MAGI1: variants seen among roughly 807,000 people sequenced by gnomAD.
MAGI1 encodes membrane associated guanylate kinase, WW and PDZ domain containing 1.
In MAGI1, 58 loss-of-function variants were observed where a neutral mutation model predicts 139.9. The ratio of observed to expected loss-of-function variants is 0.41; its 90% CI spans 0.34 to 0.52. The LOEUF (loss-of-function observed/expected upper bound fraction) is 0.52. Ranked by LOEUF, MAGI1 falls within the 20% of genes least tolerant of loss-of-function variation. The probability of loss-of-function intolerance (pLI) is 0.12; values close to 1 mark genes in which losing one functional copy is unlikely to be tolerated. For missense variants in MAGI1, 1,874 were observed against 1,901.6 expected (o/e 0.99, Z 0.27); for synonymous variants, 812 against 737.9 (o/e 1.10, Z -1.63).
chr3:65,359,133 G>A (rs771802195), intron 22 of MAGI1: 3 of 1,613,978 alleles, frequency 1.9e-6, no homozygotes, highest in African/African-American at 2.7e-5. Context: ...TACATGCAGC[G>A]ATATTAGGAG....
At position 65,581,981 on chromosome 3, in the gene MAGI1, G is replaced by A. The variant is rs115444504; in HGVS notation, c.430+39991C>T. Reference sequence around the variant, plus strand: ...TTTTGAAAAAAAGTGTACACAACTGGAACCTAGTGTATGTCAGGCATTGCA... The same window carrying A: ...TTTTGAAAAAAAGTGTACACAACTGAAACCTAGTGTATGTCAGGCATTGCA... On this transcript the variant is annotated intron_variant, in intron 2 of 22. Transcript: ENST00000402939. Among the ~76,000 whole-genome samples the A allele has an allele frequency of 6.8e-3, 1,038 of 152,222 alleles. 17 individuals carry two copies. The highest frequency in any genetic ancestry group is 0.023 in the African/African-American group (972 of 41,536).
At chr3:65,806,116 T>TA (rs1425420989) in intron 1 of MAGI1, among the ~76,000 whole-genome samples, 1 of 152,144 alleles carries the variant, frequency 6.6e-6, no homozygotes, top group African/African-American at 2.4e-5. Context: ...AGAAATTTTT[T>TA]AAAAATTAAA....
Position 65,448,697 on chromosome 3 carries a change from T to TACACACAC in MAGI1, c.1043-648_1043-641dup, listed in dbSNP as rs10591133. On this transcript the variant is annotated intron_variant, in intron 6 of 22. Transcript: ENST00000402939. ...TTAACTGGTTTTGTGAGAAAACACA[T>TACACACAC]ACACACACACACACACACACACACA... 1.2e-4 allele frequency among the ~76,000 whole-genome samples: 18 copies of TACACACAC among 149,834 alleles called. No homozygotes were observed. The South Asian group carries it at 1.5e-3, about 13-fold the overall frequency.
intron 2 of MAGI1, among the ~76,000 whole-genome samples, chr3:65,506,955 C>G (rs144706730): frequency 5.3e-5 from 8 of 152,158 alleles, no homozygotes; most frequent in African/African-American, 1.7e-4. Context: ...AGTTCTGAAG[C>G]CTTCTCAAGT....
intron 1 of MAGI1, among the ~76,000 whole-genome samples, chr3:65,686,493 G>A (rs749236793): frequency 1.2e-4 from 19 of 152,170 alleles, no homozygotes; most frequent in South Asian, 8.3e-4. Flanking sequence ...GGTTTTCACC[G>A]TGTTAGCCAG....
chr3:65,581,511 G>A (rs1018882042), intron 2 of MAGI1, among the ~76,000 whole-genome samples: 1 of 151,942 alleles, frequency 6.6e-6, no homozygotes. Flanking sequence ...TGCTCACTTT[G>A]TCCCAGCCAC....
At chr3:65,814,629 C>T (rs1049827631) in intron 1 of MAGI1, among the ~76,000 whole-genome samples, 2 of 152,140 alleles carry the variant, frequency 1.3e-5, no homozygotes, top group East Asian at 1.9e-4. Context: ...CTTAAGCAAC[C>T]GCACCTCAGC....
intron 2 of MAGI1, among the ~76,000 whole-genome samples, chr3:65,540,448 T>A (rs1007336224): frequency 1.3e-5 from 2 of 152,154 alleles, no homozygotes; most frequent in East Asian, 3.9e-4. Flanking sequence ...CCTAAAAAAG[T>A]GCCTGGCAAA....
At chr3:65,827,009 C>G (rs201483525) in intron 1 of MAGI1, among the ~76,000 whole-genome samples, 2 of 79,334 alleles carry the variant, frequency 2.5e-5, no homozygotes, top group East Asian at 4.0e-3. Flanking sequence ...GTCTGCTGCT[C>G]CAACAATGTT....
chr3:65,661,626 A>G (rs1446516397), intron 1 of MAGI1, among the ~76,000 whole-genome samples: 2 of 152,186 alleles, frequency 1.3e-5, no homozygotes, highest in Non-Finnish European at 2.9e-5. Context: ...CAGAGGATAA[A>G]CTTACTGTGA....
chr3:65,762,396 C>A (rs1367558823), intron 1 of MAGI1, among the ~76,000 whole-genome samples: 1 of 151,980 alleles, frequency 6.6e-6, no homozygotes, highest in African/African-American at 2.4e-5. Flanking sequence ...ACCAGCCTCT[C>A]CTACGAATCT....
At chr3:65,625,127 C>T (rs867048209) in intron 1 of MAGI1, among the ~76,000 whole-genome samples, 4 of 152,140 alleles carry the variant, frequency 2.6e-5, no homozygotes, top group Admixed American at 2.0e-4. Context: ...CCCACCTCGG[C>T]GTCCCAAAGT....
chr3:65,731,256 G>A (rs538718260), intron 1 of MAGI1, among the ~76,000 whole-genome samples: 19 of 152,240 alleles, frequency 1.2e-4, no homozygotes, highest in African/African-American at 4.1e-4. Flanking sequence ...TGCCATGTCA[G>A]ACATACATAA....
intron 3 of MAGI1, among the ~76,000 whole-genome samples, chr3:65,490,272 A>G (rs1051945188): frequency 6.6e-6 from 1 of 152,220 alleles, no homozygotes; most frequent in Non-Finnish European, 1.5e-5. Context: ...GGAGACATGC[A>G]GCATTAAGCA....
chr3:65,798,930 T>A (rs2040332986), intron 1 of MAGI1, among the ~76,000 whole-genome samples: 1 of 152,082 alleles, frequency 6.6e-6, no homozygotes, highest in Non-Finnish European at 1.5e-5. Flanking sequence ...TAATCACATA[T>A]CGGCCACCTC....
chr3:65,811,885 T>A (rs111238460), intron 1 of MAGI1, among the ~76,000 whole-genome samples: 6 of 152,166 alleles, frequency 3.9e-5, no homozygotes, highest in Admixed American at 1.3e-4. Context: ...ATAACATGTA[T>A]AATCTAATTT....
chr3:65,752,374 T>C (rs1334770743), intron 1 of MAGI1, among the ~76,000 whole-genome samples: 1 of 152,230 alleles, frequency 6.6e-6, no homozygotes, highest in East Asian at 1.9e-4. Context: ...AATGCCTACT[T>C]AGGTTTGGTG....
intron 2 of MAGI1, among the ~76,000 whole-genome samples, chr3:65,530,254 C>A: frequency 6.6e-6 from 1 of 152,196 alleles, no homozygotes; most frequent in South Asian, 2.1e-4. Flanking sequence ...ATCCATGTCA[C>A]TGAATTAGGC....
intron 2 of MAGI1, among the ~76,000 whole-genome samples, chr3:65,548,658 G>T (rs1246946584): frequency 6.6e-6 from 1 of 151,842 alleles, no homozygotes. Context: ...TAGCAGCTGG[G>T]ACGGCAGGCA....
Sources: gnomAD v4.1 joint callset for allele counts (sites outside exome capture counted in the v4.1 genomes callset) on GRCh38, gnomAD v4.1.1 for gene constraint, MANE v1.5 for transcripts, NCBI Gene and HGNC (gene_info 2026-07-23, HGNC 2026-07-21) for gene names.